The following GRIA1 variants were observed in gnomAD, a reference collection of about 807,000 sequenced individuals.
GRIA1 encodes the protein glutamate ionotropic receptor AMPA type subunit 1.
In GRIA1, 31 loss-of-function variants were observed where a neutral mutation model predicts 99.2. That is an observed-to-expected ratio of 0.31 (90% CI 0.23 to 0.42). The LOEUF is 0.42. GRIA1 is among the 10% of genes least tolerant of loss of function. The probability of loss-of-function intolerance (pLI) is 1.00; values close to 1 mark genes in which losing one functional copy is unlikely to be tolerated. For synonymous variants in GRIA1, 438 were observed against 432.4 expected (o/e 1.01, Z -0.16); for missense variants, 782 against 1,157.5 (o/e 0.68, Z 4.71).
At chr5:153,632,909 G>A (rs1753080278) in intron 2 of GRIA1, among the ~76,000 whole-genome samples, 1 of 152,200 alleles carries the variant, frequency 6.6e-6, no homozygotes, top group South Asian at 2.1e-4. Context: ...TTTCTGGAAG[G>A]AGTGAAAAGC....
At chr5:153,716,317 C>A (rs1279855900) in intron 11 of GRIA1, among the ~76,000 whole-genome samples, 1 of 152,180 alleles carries the variant, frequency 6.6e-6, no homozygotes, top group Non-Finnish European at 1.5e-5. Context: ...GATTCTAATA[C>A]CCATGATTTA....
chr5:153,627,390 C>T (rs1007577268), intron 2 of GRIA1, among the ~76,000 whole-genome samples: 4 of 152,174 alleles, frequency 2.6e-5, no homozygotes, highest in Non-Finnish European at 5.9e-5. Flanking sequence ...ACCATCAAAC[C>T]CTTTATCCTT....
At chr5:153,617,754 C>A (rs768812539) in intron 2 of GRIA1, among the ~76,000 whole-genome samples, 3 of 152,130 alleles carry the variant, frequency 2.0e-5, no homozygotes, top group Non-Finnish European at 2.9e-5. Context: ...AACTGCTTAT[C>A]CTTCTCTTTA....
At chr5:153,720,517 GCAATGTTTGCT>G (rs2149539222) in intron 11 of GRIA1, among the ~76,000 whole-genome samples, 1 of 152,322 alleles carries the variant, frequency 6.6e-6, no homozygotes, top group South Asian at 2.1e-4. Flanking sequence ...CCATGTTTAG[GCAATGTTTGCT>G]CAATGTAGTC....
intron 13 of GRIA1, among the ~76,000 whole-genome samples, chr5:153,775,542 G>T (rs1271626463): frequency 6.6e-6 from 1 of 152,196 alleles, no homozygotes; most frequent in Non-Finnish European, 1.5e-5. Flanking sequence ...ACCCAGGAAG[G>T]TCTGAGACCC....
chr5:153,776,194 A>G (rs1764241562), intron 13 of GRIA1, among the ~76,000 whole-genome samples: 1 of 152,118 alleles, frequency 6.6e-6, no homozygotes, highest in Non-Finnish European at 1.5e-5. Context: ...TTGGTAGGAG[A>G]TAATGAATGT....
intron 2 of GRIA1, among the ~76,000 whole-genome samples, chr5:153,579,749 C>T (rs1291007566): frequency 1.3e-5 from 2 of 152,090 alleles, no homozygotes; most frequent in East Asian, 1.9e-4. Context: ...CCATGAAGTG[C>T]TTAAGTGGTT....
intron 11 of GRIA1, among the ~76,000 whole-genome samples, chr5:153,762,658 C>T (rs1334210469): frequency 6.6e-6 from 1 of 152,114 alleles, no homozygotes; most frequent in South Asian, 2.1e-4. Context: ...CCCATGTGAA[C>T]CTTGACCCCT....
chr5:153,637,831 G>A (rs1274020026), intron 2 of GRIA1, among the ~76,000 whole-genome samples: 1 of 152,160 alleles, frequency 6.6e-6, no homozygotes, highest in Non-Finnish European at 1.5e-5. Flanking sequence ...ACCTAATTTA[G>A]AGGAATATGA....
At chr5:153,723,539 C>T (rs965365224) in intron 11 of GRIA1, among the ~76,000 whole-genome samples, 4 of 152,210 alleles carry the variant, frequency 2.6e-5, no homozygotes, top group African/African-American at 9.6e-5. Flanking sequence ...CACTCCCGCC[C>T]TAATACTGCG....
At chr5:153,697,291 C>T (rs564472908) in intron 8 of GRIA1, among the ~76,000 whole-genome samples, 65 of 152,214 alleles carry the variant, frequency 4.3e-4, no homozygotes, top group Non-Finnish European at 8.7e-4. Context: ...TCAGAGCAAG[C>T]CCTATCTCTC....
chr5:153,534,434 A>G (rs1758372400), intron 2 of GRIA1, among the ~76,000 whole-genome samples: 2 of 152,244 alleles, frequency 1.3e-5, no homozygotes, highest in South Asian at 4.1e-4. Flanking sequence ...GTCTAGGGAA[A>G]GCAAAACGGC....
At chr5:153,798,039 G>A (rs1765759801) in intron 14 of GRIA1, among the ~76,000 whole-genome samples, 1 of 152,168 alleles carries the variant, frequency 6.6e-6, no homozygotes, top group East Asian at 1.9e-4. Context: ...AGTGTCAAAG[G>A]TCATTTGGTC....
chr5:153,626,819 G>T (rs954231457), intron 2 of GRIA1, among the ~76,000 whole-genome samples: 2 of 152,092 alleles, frequency 1.3e-5, no homozygotes, highest in African/African-American at 2.4e-5. Context: ...ATGCAGCGTG[G>T]TTAAATCCAA....
intron 2 of GRIA1, among the ~76,000 whole-genome samples, chr5:153,607,257 G>A (rs550131122): frequency 1.3e-5 from 2 of 151,414 alleles, no homozygotes; most frequent in Non-Finnish European, 3.0e-5. Context: ...TTTTTGCTTG[G>A]TTGCTCTCAT....
chr5:153,605,746 AC>A (rs1765383587), intron 2 of GRIA1, among the ~76,000 whole-genome samples: 1 of 152,192 alleles, frequency 6.6e-6, no homozygotes, highest in African/African-American at 2.4e-5. Context: ...GTGAGTTTTA[AC>A]TTCATTTCAT....
At chr5:153,568,271 A>G (rs895480787) in intron 2 of GRIA1, among the ~76,000 whole-genome samples, 4 of 152,250 alleles carry the variant, frequency 2.6e-5, no homozygotes, top group Non-Finnish European at 4.4e-5. Flanking sequence ...AAATCAAAGA[A>G]GATGAACTTT....
chr5:153,778,651 CCACACACACACACACACACACA>C (rs57534899), intron 13 of GRIA1, among the ~76,000 whole-genome samples: 1 of 147,288 alleles, frequency 6.8e-6, no homozygotes, highest in Non-Finnish European at 1.5e-5. Context: ...TCACCCCCCA[CCACACACACACACACACACACA>C]CACACACACA....
intron 8 of GRIA1, among the ~76,000 whole-genome samples, chr5:153,695,706 A>G (rs982471075): frequency 1.3e-5 from 2 of 152,180 alleles, no homozygotes; most frequent in East Asian, 3.9e-4. Flanking sequence ...TTAGAAAGCA[A>G]TGTCTCCTTC....
Sources: gnomAD v4.1 joint callset for allele counts (sites outside exome capture counted in the v4.1 genomes callset) on GRCh38, gnomAD v4.1.1 for gene constraint, MANE v1.5 for transcripts, NCBI Gene and HGNC (gene_info 2026-07-23, HGNC 2026-07-21) for gene names.